EXOC5: variants seen among roughly 807,000 people sequenced by gnomAD.
EXOC5 encodes the protein exocyst complex component 5.
In EXOC5, 17 loss-of-function variants were observed where a neutral mutation model predicts 90.8. That is an observed-to-expected ratio of 0.19 (90% CI 0.13 to 0.28). The LOEUF (loss-of-function observed/expected upper bound fraction) is 0.28. Among genes scored for constraint, EXOC5 ranks in the 10% least tolerant of loss-of-function variants. The pLI is 1.00. For synonymous variants in EXOC5, 260 were observed against 270.0 expected, an observed-to-expected ratio of 0.96 and a Z score of 0.36; for missense variants, 569 against 830.6, an observed-to-expected ratio of 0.69 and a Z score of 3.87.
intron 9 of EXOC5, 140 bp downstream of exon 9, chr14:57,233,603 G>C (rs1238854259): frequency 1.7e-6 from 1 of 573,328 alleles, no homozygotes; most frequent in Non-Finnish European, 3.1e-6. Context: ...AAAAGCATGA[G>C]GATTCCTTTC....
At chr14:57,258,121 T>C (rs913340700) in intron 1 of EXOC5, among the ~76,000 whole-genome samples, 4 of 152,192 alleles carry the variant, frequency 2.6e-5, no homozygotes. Flanking sequence ...ATGTTTGTCA[T>C]TGTGAGAGAC....
intron 11 of EXOC5, 73 bp from the exon 12 acceptor site, chr14:57,229,954 TTAGTA>T: frequency 1.1e-6 from 1 of 882,822 alleles, no homozygotes; most frequent in Non-Finnish European, 1.6e-6. Flanking sequence ...ACTTCCAAAC[TTAGTA>T]TATATCAACA....
intron 5 of EXOC5, among the ~76,000 whole-genome samples, chr14:57,238,409 CAT>C (rs1555328840): frequency 7.1e-4 from 104 of 146,844 alleles, no homozygotes; most frequent in African/African-American, 2.0e-3. Flanking sequence ...CACACACACA[CAT>C]ATTCATATTC....
At chr14:57,246,905 C>T in intron 2 of EXOC5, 47 bp from the exon 3 acceptor site, 1 of 1,124,872 alleles carries the variant, frequency 8.9e-7, no homozygotes, top group Non-Finnish European at 1.3e-6. Flanking sequence ...TATTATTAAT[C>T]CTTAGGAACT....
intron 15 of EXOC5, among the ~76,000 whole-genome samples, chr14:57,217,158 G>A (rs1239451805): frequency 1.3e-5 from 2 of 152,144 alleles, no homozygotes; most frequent in Admixed American, 1.3e-4. Flanking sequence ...CACTGTTGAT[G>A]GGGATGTAAA....
intron 5 of EXOC5, among the ~76,000 whole-genome samples, chr14:57,238,353 T>TAC (rs1325862266): frequency 7.3e-4 from 30 of 41,326 alleles, no homozygotes; most frequent in Non-Finnish European, 1.3e-3. Flanking sequence ...ATTAGACATA[T>TAC]ATATATATAT....
At chr14:57,247,306 T>C (rs1021499744) in intron 2 of EXOC5, among the ~76,000 whole-genome samples, 2 of 152,196 alleles carry the variant, frequency 1.3e-5, no homozygotes, top group Non-Finnish European at 2.9e-5. Context: ...TTTACAAATA[T>C]ATTTAAAACA....
At chr14:57,255,003 G>A (rs1884308340) in intron 1 of EXOC5, among the ~76,000 whole-genome samples, 1 of 152,180 alleles carries the variant, frequency 6.6e-6, no homozygotes, top group Non-Finnish European at 1.5e-5. Flanking sequence ...TGGATGCAAA[G>A]TATGAAGTTC....
At chr14:57,225,145 T>C (rs1481755902) in intron 12 of EXOC5, among the ~76,000 whole-genome samples, 1 of 151,930 alleles carries the variant, frequency 6.6e-6, no homozygotes. Flanking sequence ...CAACAATATA[T>C]AAATATGACA....
chr14:57,256,351 G>C (rs1884348980), intron 1 of EXOC5, among the ~76,000 whole-genome samples: 1 of 152,128 alleles, frequency 6.6e-6, no homozygotes, highest in Non-Finnish European at 1.5e-5. Flanking sequence ...ATTATAACCA[G>C]TTAAGATACC....
intron 1 of EXOC5, among the ~76,000 whole-genome samples, chr14:57,251,884 C>A (rs1270533843): frequency 6.6e-6 from 1 of 151,958 alleles, no homozygotes; most frequent in African/African-American, 2.4e-5. Context: ...ACATTACTAC[C>A]AATTTTATAG....
chr14:57,248,415 T>C (rs147647539), intron 1 of EXOC5, among the ~76,000 whole-genome samples: 1 of 151,830 alleles, frequency 6.6e-6, no homozygotes, highest in East Asian at 1.9e-4. Flanking sequence ...TGAAAAACAA[T>C]GTTCCTTTTA....
At chr14:57,258,646 C>T (rs1169445663) in intron 1 of EXOC5, among the ~76,000 whole-genome samples, 3 of 152,132 alleles carry the variant, frequency 2.0e-5, no homozygotes, top group East Asian at 3.8e-4. Context: ...TGTATACCTA[C>T]GTAACAAACC....
intron 15 of EXOC5, among the ~76,000 whole-genome samples, chr14:57,211,210 C>G (rs887674698): frequency 6.6e-6 from 1 of 152,176 alleles, no homozygotes; most frequent in South Asian, 2.1e-4. Context: ...GTGTTAGCAA[C>G]GTCACCTTGT....
chr14:57,244,466 G>A (rs1412828905), intron 3 of EXOC5, 107 bp from the exon 4 acceptor site: 17 of 807,354 alleles, frequency 2.1e-5, no homozygotes, highest in Non-Finnish European at 3.4e-5. Flanking sequence ...TTATATACGA[G>A]ATGATCTACA....
chr14:57,249,573 C>A (rs1235118217), intron 1 of EXOC5, among the ~76,000 whole-genome samples: 1 of 151,868 alleles, frequency 6.6e-6, no homozygotes, highest in Non-Finnish European at 1.5e-5. Flanking sequence ...AATTGAGGAC[C>A]TACTACGTGC....
chr14:57,262,703 A>ATG (rs1345060997), intron 1 of EXOC5, among the ~76,000 whole-genome samples: 2 of 148,122 alleles, frequency 1.4e-5, no homozygotes, highest in East Asian at 1.9e-4. Context: ...ATGTATATAT[A>ATG]TATGTATATA....
chr14:57,256,431 A>G (rs775437615), intron 1 of EXOC5, among the ~76,000 whole-genome samples: 2 of 152,174 alleles, frequency 1.3e-5, no homozygotes, highest in Non-Finnish European at 2.9e-5. Flanking sequence ...GAGACAGTGA[A>G]TATCAGTTGC....
intron 10 of EXOC5, 200 bp downstream of exon 10, chr14:57,232,467 T>A: frequency 2.9e-6 from 1 of 349,248 alleles, no homozygotes; most frequent in East Asian, 4.3e-5. Flanking sequence ...AAGCATAACA[T>A]CCAATTCCTG....
Sources: allele counts gnomAD v4.1 joint callset (sites outside exome capture counted in the v4.1 genomes callset), GRCh38; gene constraint gnomAD v4.1.1; transcripts MANE v1.5; gene names NCBI Gene and HGNC (gene_info 2026-07-23, HGNC 2026-07-21).